Variants in NKAIN2 observed in about 807,000 individuals in gnomAD.
The protein encoded by NKAIN2 is sodium/potassium transporting ATPase interacting 2, also known as sodium/potassium-transporting ATPase subunit beta-1-interacting protein 2.
NKAIN2 carries 14 observed loss-of-function variants against 32.6 expected under a neutral mutation model. The observed-to-expected ratio is 0.43, with a 90% CI of 0.28 to 0.67. NKAIN2 has a LOEUF of 0.67. Ranked by LOEUF, NKAIN2 falls within the 30% of genes least tolerant of loss-of-function variation. The pLI, the probability that NKAIN2 is intolerant of heterozygous loss-of-function variation, is 0.17. For synonymous variants in NKAIN2, 80 were observed against 87.2 expected, an observed-to-expected ratio of 0.92 and a Z score of 0.46; for missense variants, 198 against 258.3, an observed-to-expected ratio of 0.77 and a Z score of 1.60.
chr6:124,380,942 CT>C, intron 3 of NKAIN2, among the ~76,000 whole-genome samples: 1 of 152,270 alleles, frequency 6.6e-6, no homozygotes, highest in Admixed American at 6.5e-5. Context: ...AAGACTACCA[CT>C]TGTATCGAAG....
chr6:124,815,230 A>ATATATATATATGTATATATG (rs1781098966), intron 5 of NKAIN2, among the ~76,000 whole-genome samples: 1 of 138,840 alleles, frequency 7.2e-6, no homozygotes, highest in South Asian at 2.4e-4. Flanking sequence ...ATATACATAT[A>ATATATATATATGTATATATG]TATATATATA....
intron 4 of NKAIN2, among the ~76,000 whole-genome samples, chr6:124,712,999 T>A (rs1562339845): frequency 6.6e-6 from 1 of 152,120 alleles, no homozygotes; most frequent in South Asian, 2.1e-4. Flanking sequence ...ATCTCTGCCT[T>A]GTATACAGAA....
chr6:124,637,266 A>G (rs1453903694), intron 3 of NKAIN2, among the ~76,000 whole-genome samples: 1 of 152,104 alleles, frequency 6.6e-6, no homozygotes, highest in Non-Finnish European at 1.5e-5. Flanking sequence ...AATATAAGAC[A>G]AAACTACAAA....
intron 1 of NKAIN2, among the ~76,000 whole-genome samples, chr6:123,982,556 T>G (rs1191293423): frequency 6.6e-6 from 1 of 152,142 alleles, no homozygotes; most frequent in Non-Finnish European, 1.5e-5. Context: ...GGAAAAGGAT[T>G]GGGTTTGAGC....
At chr6:124,619,370 A>G (rs1783026266) in intron 3 of NKAIN2, among the ~76,000 whole-genome samples, 2 of 152,280 alleles carry the variant, frequency 1.3e-5, no homozygotes, top group Middle Eastern at 3.4e-3. Flanking sequence ...ACTAATTCTG[A>G]GAGATATCAC....
chr6:124,654,317 A>G (rs1784464157), intron 3 of NKAIN2, among the ~76,000 whole-genome samples: 2 of 152,136 alleles, frequency 1.3e-5, no homozygotes, highest in African/African-American at 4.8e-5. Flanking sequence ...TGATTTTCTA[A>G]GTAATAAATA....
chr6:123,837,773 A>C (rs1163449775), intron 1 of NKAIN2, among the ~76,000 whole-genome samples: 1 of 151,600 alleles, frequency 6.6e-6, no homozygotes, highest in African/African-American at 2.4e-5. Context: ...GCTATTTCTT[A>C]TTTAGAGGGA....
At chr6:124,784,401 G>C (rs113307342) in intron 4 of NKAIN2, among the ~76,000 whole-genome samples, 45 of 152,058 alleles carry the variant, frequency 3.0e-4, no homozygotes, top group African/African-American at 9.9e-4. Flanking sequence ...ACCCCCCTTA[G>C]TCCCTGGAAA....
At chr6:124,411,075 C>T (rs1432224176) in intron 3 of NKAIN2, among the ~76,000 whole-genome samples, 1 of 151,894 alleles carries the variant, frequency 6.6e-6, no homozygotes, top group Non-Finnish European at 1.5e-5. Context: ...CTATGTGTGT[C>T]TCTGCACGTG....
At chr6:124,058,054 C>T (rs1385591422) in intron 1 of NKAIN2, among the ~76,000 whole-genome samples, 1 of 151,874 alleles carries the variant, frequency 6.6e-6, no homozygotes, top group African/African-American at 2.4e-5. Flanking sequence ...TATATTTCTA[C>T]CTAGAAAGCT....
chr6:124,506,119 T>C (rs1418544745), intron 3 of NKAIN2, among the ~76,000 whole-genome samples: 1 of 151,470 alleles, frequency 6.6e-6, no homozygotes, highest in Non-Finnish European at 1.5e-5. Context: ...AGGAGGAGCT[T>C]GCAGTGCGCC....
intron 3 of NKAIN2, among the ~76,000 whole-genome samples, chr6:124,592,442 A>G (rs532116147): frequency 4.6e-5 from 7 of 152,194 alleles, no homozygotes; most frequent in Non-Finnish European, 1.0e-4. Context: ...ACAGGCCACT[A>G]TTTAAACTAT....
intron 3 of NKAIN2, among the ~76,000 whole-genome samples, chr6:124,566,194 G>T (rs1780902882): frequency 6.6e-6 from 1 of 152,160 alleles, no homozygotes; most frequent in Non-Finnish European, 1.5e-5. Context: ...TAATTTTAGT[G>T]TTACTTTCCT....
At chr6:123,841,315 G>T (rs1774858792) in intron 1 of NKAIN2, among the ~76,000 whole-genome samples, 1 of 152,102 alleles carries the variant, frequency 6.6e-6, no homozygotes, top group African/African-American at 2.4e-5. Flanking sequence ...TCTTGGATGA[G>T]GTCCAAAGTA....
Position 124,759,656 on chromosome 6 carries a change from C to CACA in NKAIN2, c.475-31683_475-31682insACA, listed in dbSNP as rs879444854. ...ACACACACACACACACACACACACA[C>CACA]CCCCTATCTCCCTTTCCTGCCTTAT... On this transcript the variant is annotated intron_variant, in intron 4 of 6. Transcript: ENST00000368417. Among the ~76,000 whole-genome samples, 72 of 66,402 alleles carry CACA rather than the reference C, an allele frequency of 1.1e-3. 1 individual carries two copies. Among genetic ancestry groups the CACA allele is most frequent in the African/African-American group, 1.8e-3 (45 of 24,836 alleles). 43.6% of individuals were successfully genotyped at this position (66,402 alleles called of 152,430 possible).
intron 4 of NKAIN2, among the ~76,000 whole-genome samples, chr6:124,745,765 G>C (rs1350574950): frequency 1.3e-5 from 2 of 151,768 alleles, no homozygotes; most frequent in Admixed American, 6.6e-5. Context: ...ATGTTTCAAA[G>C]ATCAGACATA....
chr6:124,772,929 T>C (rs1778826781), intron 4 of NKAIN2, among the ~76,000 whole-genome samples: 1 of 152,118 alleles, frequency 6.6e-6, no homozygotes, highest in East Asian at 1.9e-4. Context: ...AATATACCCA[T>C]GTAACAAACA....
At chr6:124,800,736 G>A (rs1311983262) in intron 5 of NKAIN2, among the ~76,000 whole-genome samples, 2 of 152,126 alleles carry the variant, frequency 1.3e-5, no homozygotes, top group African/African-American at 4.8e-5. Flanking sequence ...TTAGGTTAGG[G>A]CCAAAGTGGG....
At chr6:124,302,253 G>A (rs1583017766) in intron 2 of NKAIN2, among the ~76,000 whole-genome samples, 1 of 152,206 alleles carries the variant, frequency 6.6e-6, no homozygotes, top group East Asian at 1.9e-4. Context: ...GTGAAACTGT[G>A]AGTCAGTTAA....
Sources: allele counts gnomAD v4.1 joint callset (sites outside exome capture counted in the v4.1 genomes callset), GRCh38; gene constraint gnomAD v4.1.1; transcripts MANE v1.5; gene names NCBI Gene and HGNC (gene_info 2026-07-23, HGNC 2026-07-21).